Variants in PRDM15 observed in about 807,000 individuals in gnomAD.
PRDM15 encodes PR domain zinc finger protein 15.
In PRDM15, 64 loss-of-function variants were observed where a neutral mutation model predicts 128.6. That is an observed-to-expected ratio of 0.50 (90% CI 0.41 to 0.61). PRDM15 has a LOEUF of 0.61. Among genes scored for constraint, PRDM15 ranks in the 20% least tolerant of loss-of-function variants. The pLI is 0.00. For synonymous variants in PRDM15, 615 were observed against 621.8 expected, an observed-to-expected ratio of 0.99 and a Z score of 0.16; for missense variants, 1,242 against 1,569.1, an observed-to-expected ratio of 0.79 and a Z score of 3.52.
chr21:41,863,201 CCCT>C (rs2063884167), intron 1 of PRDM15: 1 of 151,788 alleles, frequency 6.6e-6, no homozygotes, highest in Non-Finnish European at 1.5e-5. Context: ...TGTGAGGTCC[CCCT>C]ATCTCAACCA....
intron 18 of PRDM15, among the ~76,000 whole-genome samples, chr21:41,817,477 CACTG>C (rs759284267): frequency 2.2e-4 from 34 of 152,294 alleles, no homozygotes; most frequent in African/African-American, 4.1e-4. Flanking sequence ...TGGTCCCTGA[CACTG>C]ACTAATTCCC....
chr21:41,803,289 C>G (rs941655645), intron 22 of PRDM15, among the ~76,000 whole-genome samples: 1 of 152,156 alleles, frequency 6.6e-6, no homozygotes, highest in African/African-American at 2.4e-5. Flanking sequence ...AATCAGGGCT[C>G]TCTCTTCCCC....
Position 41,828,205 on chromosome 21 carries a change from T to C in PRDM15, c.1495A>G (p.Lys499Glu), listed in dbSNP as rs1219071009. The change falls in exon 12 of 24, where the codon AAG (lysine) becomes GAG (glutamate). Residue 499 changes from lysine (K) to glutamate (E), a missense_variant. Lys to Glu is a moderately conservative substitution (Grantham distance 56). Coordinates refer to ENST00000398548, the MANE Select transcript of PRDM15 (RefSeq NM_001040424.3). The surrounding 1 kb of genome is among the most constrained non-coding windows in gnomAD (Gnocchi z 5.7). The part of the protein sequence containing the change: ...CEVCSKMFYR[K>E]DVMLDHQRRH... ...CGCTGGTGGTCCAGCATGACGTCCTTGCGGTAGAACATCTTGCTGCAGACC... is the reference window on the plus strand; with the variant it reads ...CGCTGGTGGTCCAGCATGACGTCCTCGCGGTAGAACATCTTGCTGCAGACC... The C allele has an allele frequency of 5.0e-6, 8 of 1,614,054 alleles. No individual in the cohort carries two copies. Among genetic ancestry groups the C allele is most frequent in the Non-Finnish European group, 6.8e-6 (8 of 1,179,970 alleles).
At chr21:41,876,096 G>A (rs141996814) in intron 1 of PRDM15, among the ~76,000 whole-genome samples, 10 of 152,242 alleles carry the variant, frequency 6.6e-5, no homozygotes, top group East Asian at 5.8e-4. Flanking sequence ...TAAAAAATGC[G>A]GTCCTATCAT....
chr21:41,872,949 C>T (rs988977824), intron 1 of PRDM15, among the ~76,000 whole-genome samples: 4 of 152,204 alleles, frequency 2.6e-5, no homozygotes, highest in Admixed American at 1.3e-4. Context: ...TGCACGTGCA[C>T]GGGTTCTGTT....
chr21:41,809,215 T>C (rs1366872641), intron 21 of PRDM15, among the ~76,000 whole-genome samples: 1 of 151,126 alleles, frequency 6.6e-6, no homozygotes, highest in Non-Finnish European at 1.5e-5. Flanking sequence ...AACACAGCCA[T>C]GGCCTATGCA....
intron 12 of PRDM15, among the ~76,000 whole-genome samples, chr21:41,827,926 G>T (rs1457449770): frequency 6.6e-6 from 1 of 152,074 alleles, no homozygotes. Context: ...GAACATTTAG[G>T]GTATTTCCAG....
In PRDM15 at chr21:41,821,762, T is replaced by C. The variant is rs2062276641; in HGVS notation, c.1896+141A>G. On this transcript the variant is annotated intron_variant, in intron 15 of 23. Transcript: ENST00000398548. The surrounding 1 kb of genome is among the most constrained non-coding windows in gnomAD (Gnocchi z 5.4). The stretch of plus-strand genomic sequence containing the variant: ...TGATGGACAGGCACCCAGTCTGCAG[T>C]AGGACCACTGGCCGGAGCCTTTGGG... The C allele has an allele frequency of 9.9e-7, 1 of 1,006,828 alleles. No homozygotes were observed. The highest frequency in any genetic ancestry group is 1.5e-5 in the South Asian group (1 of 67,690). The allele number at this position is 1,006,828 out of a possible 1,614,324, so 62.4% of individuals were successfully genotyped here.
At chr21:41,834,671 G>T in intron 11 of PRDM15, 2 of 859,784 alleles carry the variant, frequency 2.3e-6, no homozygotes, top group Non-Finnish European at 3.7e-6. Flanking sequence ...GAATGGGGAA[G>T]GTGTGACTCC....
rs768063312 is a variant in PRDM15 at position 41,819,686 on chromosome 21, G to A, written c.2156C>T (p.Ala719Val). ...KLIHTGVKSH[A>V]CEQCGKSFAR... ...AAAGGACTTCCCACACTGCTCGCAG[G>A]CGTGGCTCTTCACACCTGAGAACAC... Residue 719 changes from alanine (A) to valine (V), a missense_variant, in exon 18 of 24, where the codon GCC becomes GTC. Physicochemically the swap from Ala to Val is moderately conservative, Grantham distance 64. Around this residue, in one of 3 missense-constraint regions of PRDM15, gnomAD observed 602 missense variants for 788.3 expected, o/e 0.76. Coordinates refer to ENST00000398548, the MANE Select transcript of PRDM15 (RefSeq NM_001040424.3). 6.2e-7 allele frequency: 1 copy of A among 1,604,246 alleles called. No homozygotes were observed. Among genetic ancestry groups the A allele is most frequent in the Admixed American group, 1.7e-5 (1 of 59,414 alleles).
In PRDM15 at chr21:41,861,806, G is replaced by T. The variant is rs189801058; in HGVS notation, c.-9-1434C>A. 2.5e-6 allele frequency: 4 copies of T among 1,594,256 alleles called. No individual in the cohort carries two copies. The East Asian group carries it at 9.0e-5, about 36-fold the overall frequency. ...AGTTAGGAGAGTGAGTTAGCTACAA[G>T]GAAGTGAGGCAGAGGAAAGAGAGTT... is the stretch of plus-strand genomic sequence containing the variant. On this transcript the variant is annotated intron_variant, in intron 1 of 23. Transcript: ENST00000398548.
At chr21:41,838,864 A>T (rs956257395) in intron 7 of PRDM15, among the ~76,000 whole-genome samples, 3 of 152,192 alleles carry the variant, frequency 2.0e-5, no homozygotes, top group African/African-American at 7.2e-5. Context: ...ACTCCTTTTC[A>T]CTCTCATAAA....
At position 41,836,205 on chromosome 21, in the gene PRDM15, C is replaced by T; in HGVS notation, c.1186G>A (p.Asp396Asn). Reference protein sequence around the residue: ...NLSRHVRSHGDKLFKCEECAK... With the variant: ...NLSRHVRSHGNKLFKCEECAK... ...CACTCTTCGCACTTAAACAGCTTGTCACCTGAGGAACCAACCAACAGAGAG... is the reference window on the plus strand; with the variant it reads ...CACTCTTCGCACTTAAACAGCTTGTTACCTGAGGAACCAACCAACAGAGAG... Residue 396 changes from aspartate (D) to asparagine (N), a missense_variant and splice_region_variant, in exon 10 of 24, where the codon GAC becomes AAC. Transcript: ENST00000398548. The T allele has an allele frequency of 6.2e-7, 1 of 1,613,864 alleles. No individual in the cohort carries two copies. The highest frequency in any genetic ancestry group is 8.5e-7 in the Non-Finnish European group (1 of 1,179,824).
At position 41,821,312 on chromosome 21, in the gene PRDM15, C is replaced by G. The variant is rs1031532512; in HGVS notation, c.1897-82G>C. ...TAGCTAATGAGGTCGTGTCCACAAA[C>G]CAGGGCACCCGACACGCCCTGAGAG... is the stretch of plus-strand genomic sequence containing the variant. On this transcript the variant is annotated intron_variant, in intron 15 of 23. Transcript: ENST00000398548. This position sits in a 1 kb window ranked among gnomAD's most constrained non-coding sequence, Gnocchi z 5.4. The G allele has an allele frequency of 3.3e-6, 5 of 1,526,008 alleles. No homozygotes were observed. Among genetic ancestry groups the G allele is most frequent in the Non-Finnish European group, 4.5e-6 (5 of 1,116,848 alleles). The allele number at this position is 1,526,008 out of a possible 1,614,324, so 94.5% of individuals were successfully genotyped here.
Position 41,828,467 on chromosome 21 carries a change from A to C in PRDM15, c.1367-134T>G. On this transcript the variant is annotated intron_variant, in intron 11 of 23. Transcript: ENST00000398548. This position sits in a 1 kb window ranked among gnomAD's most constrained non-coding sequence, Gnocchi z 5.7. ...GTCACGGGGATGCGTGGCCAGGAAGAAAACAGCACCTGTGTGTCATACACT... is the reference window on the plus strand; with the variant it reads ...GTCACGGGGATGCGTGGCCAGGAAGCAAACAGCACCTGTGTGTCATACACT... The C allele has an allele frequency of 2.4e-6, 2 of 844,514 alleles. No homozygotes were observed. Among genetic ancestry groups the C allele is most frequent in the South Asian group, 3.0e-5 (2 of 67,002 alleles). 52.3% of individuals were successfully genotyped at this position (844,514 alleles called of 1,614,324 possible). A position where few individuals can be genotyped will look rare whatever the true frequency, so the allele number is the denominator to read the frequency against.
Position 41,810,587 on chromosome 21 carries a change from G to T in PRDM15, c.2476+166C>A. 1 of 647,520 alleles carries T rather than the reference G, an allele frequency of 1.5e-6. No homozygotes were observed. The highest frequency in any genetic ancestry group is 2.7e-6 in the Non-Finnish European group (1 of 375,770). The allele number at this position is 647,520 out of a possible 1,614,324, so 40.1% of individuals were successfully genotyped here. A position where few individuals can be genotyped will look rare whatever the true frequency, so the allele number is the denominator to read the frequency against. ...AGAAGGGATACTTGAAAGCTGTGGCGGGTTGACCTTCAGAGGCCAAGGGGC... is the reference window on the plus strand; with the variant it reads ...AGAAGGGATACTTGAAAGCTGTGGCTGGTTGACCTTCAGAGGCCAAGGGGC... On this transcript the variant is annotated intron_variant, in intron 20 of 23. Coordinates refer to ENST00000398548, the MANE Select transcript of PRDM15 (RefSeq NM_001040424.3). This position sits in a 1 kb window ranked among gnomAD's most constrained non-coding sequence, Gnocchi z 6.4.
Position 41,800,995 on chromosome 21 carries a change from G to A in PRDM15, c.*245C>T. ...ATGCGGCCCCGGCCCAGGACTTACT[G>A]CCTTGGTAAGGCATGGTGTGGAGCC... On this transcript the variant is annotated 3_prime_UTR_variant, in exon 24 of 24. Coordinates refer to ENST00000398548, the MANE Select transcript of PRDM15 (RefSeq NM_001040424.3). 2.2e-6 allele frequency: 1 copy of A among 450,228 alleles called. No homozygotes were observed. Among genetic ancestry groups the A allele is most frequent in the Non-Finnish European group, 3.8e-6 (1 of 261,572 alleles). The allele number at this position is 450,228 out of a possible 1,614,324, so 27.9% of individuals were successfully genotyped here.
intron 3 of PRDM15, among the ~76,000 whole-genome samples, chr21:41,857,683 C>T (rs1048945952): frequency 4.6e-5 from 7 of 152,158 alleles, no homozygotes; most frequent in African/African-American, 1.7e-4. Flanking sequence ...ATGGCTGAAC[C>T]CGGGAGTTTG....
intron 18 of PRDM15, among the ~76,000 whole-genome samples, chr21:41,816,280 A>G (rs1352575809): frequency 6.6e-6 from 1 of 152,242 alleles, no homozygotes; most frequent in Non-Finnish European, 1.5e-5. Flanking sequence ...AATCTTAAGA[A>G]GCTGAAATAC....
Sources: gnomAD v4.1 joint callset for allele counts (sites outside exome capture counted in the v4.1 genomes callset) on GRCh38, gnomAD v4.1.1 for gene constraint, gnomAD v4.1.1 regional missense constraint, Gnocchi (gnomAD v3.1) non-coding constraint, MANE v1.5 for transcripts, NCBI Gene and HGNC (gene_info 2026-07-23, HGNC 2026-07-21) for gene names.